SPIC: variants seen among roughly 807,000 people sequenced by gnomAD.
The protein encoded by SPIC is transcription factor Spi-C.
Under a neutral mutation model 16.7 loss-of-function variants are expected in SPIC, and 9 were observed. The ratio of observed to expected loss-of-function variants is 0.54; its 90% CI spans 0.33 to 0.94. The LOEUF (loss-of-function observed/expected upper bound fraction) is 0.94, where lower values mean the gene tolerates loss of function less well. Ranked by LOEUF, SPIC falls within the 40% of genes least tolerant of loss-of-function variation. The pLI is 0.03. For missense variants in SPIC, 241 were observed against 285.8 expected (o/e 0.84, Z 1.13); for synonymous variants, 97 against 102.9 (o/e 0.94, Z 0.35).
At chr12:101,477,818 A>G (rs1454370607) in intron 3 of SPIC, among the ~76,000 whole-genome samples, 167 bp downstream of exon 3, 1 of 152,086 alleles carries the variant, frequency 6.6e-6, no homozygotes, top group African/African-American at 2.4e-5. Context: ...GGAATTCAAG[A>G]CCTGCCTGGC....
chr12:101,479,922 T>C (rs1873135756), intron 4 of SPIC, among the ~76,000 whole-genome samples: 1 of 151,614 alleles, frequency 6.6e-6, no homozygotes, highest in East Asian at 1.9e-4. Context: ...GTTCAAGTGA[T>C]TCTCCTGCCT....
rs1565830996 is a variant in SPIC, at chr12:101,479,171, A to AG, written c.98-411_98-410insG. Among the ~76,000 whole-genome samples, 11 of 92,366 alleles carry AG rather than the reference A, an allele frequency of 1.2e-4. No individual in the cohort carries two copies. The East Asian group carries it at 2.0e-3, about 17-fold the overall frequency. 60.6% of individuals were successfully genotyped at this position (92,366 alleles called of 152,430 possible). ...AAAGAAAGAAAAGAAAGAAAGAAAG[A>AG]AAAAGAAAGAAAGAAAGAAAGAAAG... is the stretch of plus-strand genomic sequence containing the variant. On this transcript the variant is annotated intron_variant, in intron 3 of 5. Coordinates refer to ENST00000551346, the MANE Select transcript of SPIC (RefSeq NM_152323.3).
intron 3 of SPIC, among the ~76,000 whole-genome samples, chr12:101,478,309 G>A (rs1470414274): frequency 6.6e-6 from 1 of 151,976 alleles, no homozygotes; most frequent in African/African-American, 2.4e-5. Flanking sequence ...GGGATTACAG[G>A]CATGAGCCAC....
chr12:101,486,561 T>A lies in SPIC; in HGVS notation c.537T>A (p.Ser179Arg). 1 of 1,614,066 alleles carries A rather than the reference T, an allele frequency of 6.2e-7. No homozygotes were observed. Among genetic ancestry groups the A allele is most frequent in the Non-Finnish European group, 8.5e-7 (1 of 1,180,012 alleles). The change falls in exon 6 of 6, where the codon AGT (serine) becomes AGA (arginine). Residue 179 changes from serine (S) to arginine (R), a missense_variant. Coordinates refer to ENST00000551346, the MANE Select transcript of SPIC (RefSeq NM_152323.3). ...GGGCACTCAGAAATTACGGAAGAAG[T>A]GGGGAAATTACCAAAATCCGGAGGA... ...MARALRNYGR[S>R]GEITKIRRKL...
intron 3 of SPIC, among the ~76,000 whole-genome samples, chr12:101,479,100 G>A (rs1204241453): frequency 3.4e-5 from 5 of 146,012 alleles, no homozygotes; most frequent in Admixed American, 2.8e-4. Context: ...TAACGTGGCC[G>A]CACTCCAGCC....
intron 3 of SPIC, among the ~76,000 whole-genome samples, chr12:101,479,045 G>C (rs1873050278): frequency 6.6e-6 from 1 of 151,404 alleles, no homozygotes; most frequent in Admixed American, 6.6e-5. Context: ...GCTGAGGTGG[G>C]AGGATCACTT....
intron 4 of SPIC, 85 bp downstream of exon 4, chr12:101,479,779 C>T: frequency 4.2e-6 from 4 of 961,524 alleles, no homozygotes; most frequent in Non-Finnish European, 6.2e-6. Flanking sequence ...TGAAACCCAG[C>T]TTAAAGACAG....
chr12:101,483,519 A>G (rs1253748566), intron 5 of SPIC, among the ~76,000 whole-genome samples: 1 of 152,210 alleles, frequency 6.6e-6, no homozygotes, highest in Non-Finnish European at 1.5e-5. Context: ...AATTTAAAAG[A>G]AAATTAAGTA....
chr12:101,477,757 C>G (rs1022517275), intron 3 of SPIC, 106 bp downstream of exon 3: 4 of 1,009,366 alleles, frequency 4.0e-6, no homozygotes, highest in Non-Finnish European at 6.0e-6. Context: ...TGGCTCACAT[C>G]TGTAATCCCA....
At chr12:101,479,561 C>T (rs764122498) in intron 3 of SPIC, 21 bp from the exon 4 acceptor site, 2 of 1,593,690 alleles carry the variant, frequency 1.3e-6, no homozygotes, top group Admixed American at 1.7e-5. Context: ...TTTTTAGTTT[C>T]TTTCTCTGAT....
In SPIC at chr12:101,486,940, T is replaced by C. The variant is rs1424807558; in HGVS notation, c.*169T>C. The stretch of plus-strand genomic sequence containing the variant: ...CTTTATTGTTGCTTTTATCAAAGAG[T>C]ATGTAATCTATACTAACTTGTTGGG... On this transcript the variant is annotated 3_prime_UTR_variant, in exon 6 of 6. Transcript: ENST00000551346. The C allele has an allele frequency of 1.8e-6, 1 of 542,984 alleles. No individual in the cohort carries two copies. The highest frequency in any genetic ancestry group is 3.1e-6 in the Non-Finnish European group (1 of 323,770). The allele number at this position is 542,984 out of a possible 1,614,324, so 33.6% of individuals were successfully genotyped here. A position where few individuals can be genotyped will look rare whatever the true frequency, so the allele number is the denominator to read the frequency against.
intron 4 of SPIC, among the ~76,000 whole-genome samples, chr12:101,480,779 G>A (rs1364777138): frequency 6.6e-6 from 1 of 152,160 alleles, no homozygotes; most frequent in Admixed American, 6.5e-5. Flanking sequence ...TTGAGCCCAA[G>A]AGTTCGAGAC....
chr12:101,484,320 G>A (rs1873296522), intron 5 of SPIC, among the ~76,000 whole-genome samples: 2 of 151,704 alleles, frequency 1.3e-5, no homozygotes, highest in African/African-American at 4.8e-5. Flanking sequence ...GATCACCTGG[G>A]GTCAGGAGTT....
chr12:101,479,200 G>GAAGGAAAGAAAGAAAGAAAGAA, intron 3 of SPIC, among the ~76,000 whole-genome samples: 1 of 100,078 alleles, frequency 1.0e-5, no homozygotes, highest in East Asian at 3.0e-4. Flanking sequence ...AAGAAAGAAA[G>GAAGGAAAGAAAGAAAGAAAGAA]AAAGAAAGAA....
chr12:101,479,707 C>T lies in SPIC; in HGVS notation c.210+13C>T, dbSNP rs1255683407. On this transcript the variant is annotated intron_variant, in intron 4 of 5. Coordinates refer to ENST00000551346, the MANE Select transcript of SPIC (RefSeq NM_152323.3). Reference sequence around the variant, plus strand: ...GAGAACGGTAATTGTAAGTATCAGACCATCCCTTAATAACAGGCAAATATC... The same window carrying T: ...GAGAACGGTAATTGTAAGTATCAGATCATCCCTTAATAACAGGCAAATATC... The T allele has an allele frequency of 1.3e-6, 2 of 1,581,920 alleles. No homozygotes were observed. Among genetic ancestry groups the T allele is most frequent in the Non-Finnish European group, 1.7e-6 (2 of 1,151,692 alleles).
intron 2 of SPIC, among the ~76,000 whole-genome samples, 165 bp from the exon 3 acceptor site, chr12:101,477,393 G>A (rs1872989480): frequency 6.6e-6 from 1 of 152,144 alleles, no homozygotes; most frequent in Admixed American, 6.6e-5. Context: ...GCTAAACATC[G>A]TACAATGCAC....
chr12:101,483,086 G>GT (rs58442228), intron 5 of SPIC, among the ~76,000 whole-genome samples, 186 bp downstream of exon 5: 4,433 of 129,040 alleles, frequency 0.034, 254 homozygotes, highest in African/African-American at 0.11. Flanking sequence ...GACTTCCTGT[G>GT]TTTTTTTTTT....
rs2121270476 is a variant in SPIC at position 101,486,395 on chromosome 12, C to T, written c.371C>T (p.Pro124Leu). 1.9e-6 allele frequency: 3 copies of T among 1,613,828 alleles called. No individual in the cohort carries two copies. Among genetic ancestry groups the T allele is most frequent in the South Asian group, 1.1e-5 (1 of 91,052 alleles). ...FEYLHESLYN[P>L]EMASCIQWVD... ...TACCTTCACGAATCCCTGTATAATC[C>T]GGAGATGGCATCTTGTATTCAGTGG... The change falls in exon 6 of 6, where the codon CCG becomes CTG. Residue 124 changes from proline to leucine, a missense_variant. Coordinates refer to ENST00000551346, the MANE Select transcript of SPIC (RefSeq NM_152323.3).
intron 5 of SPIC, among the ~76,000 whole-genome samples, chr12:101,486,056 C>T (rs770077842): frequency 2.0e-5 from 3 of 152,222 alleles, no homozygotes; most frequent in Non-Finnish European, 4.4e-5. Context: ...CCTCCTCGGC[C>T]TCCCAAAGTG....
Sources: gnomAD v4.1 joint callset for allele counts (sites outside exome capture counted in the v4.1 genomes callset) on GRCh38, gnomAD v4.1.1 for gene constraint, MANE v1.5 for transcripts, NCBI Gene and HGNC (gene_info 2026-07-23, HGNC 2026-07-21) for gene names.